SEMA5B: variants seen among roughly 807,000 people sequenced by gnomAD.
SEMA5B encodes semaphorin-5B.
SEMA5B carries 66 observed loss-of-function variants against 135.0 expected under a neutral mutation model. The observed-to-expected ratio is 0.49, with a 90% CI of 0.40 to 0.60. The LOEUF is 0.60. Ranked by LOEUF, SEMA5B falls within the 20% of genes least tolerant of loss-of-function variation. The probability of loss-of-function intolerance (pLI) is 0.00; values close to 1 mark genes in which losing one functional copy is unlikely to be tolerated. For synonymous variants in SEMA5B, 690 were observed against 639.5 expected (o/e 1.08, Z -1.19); for missense variants, 1,501 against 1,566.3 (o/e 0.96, Z 0.70).
intron 1 of SEMA5B, among the ~76,000 whole-genome samples, chr3:123,005,025 C>T (rs1942271659): frequency 6.6e-6 from 1 of 152,190 alleles, no homozygotes; most frequent in Admixed American, 6.5e-5. Flanking sequence ...ATCTCTTTTG[C>T]ACCCTCTCTT....
At chr3:122,910,631 A>G (rs1937635079) in intron 22 of SEMA5B, among the ~76,000 whole-genome samples, 1 of 151,978 alleles carries the variant, frequency 6.6e-6, no homozygotes, top group Non-Finnish European at 1.5e-5. Context: ...AAAAACGGTG[A>G]AACCCCGTCT....
intron 22 of SEMA5B, 152 bp from the exon 23 acceptor site, chr3:122,910,453 C>G: frequency 1.3e-6 from 1 of 781,620 alleles, no homozygotes; most frequent in Non-Finnish European, 2.1e-6. Context: ...CAGTTCCACC[C>G]AGCTGAGGGC....
chr3:122,997,811 C>T (rs1942060860), intron 1 of SEMA5B, among the ~76,000 whole-genome samples: 1 of 151,980 alleles, frequency 6.6e-6, no homozygotes, highest in Non-Finnish European at 1.5e-5. Flanking sequence ...CCTGAGGCCT[C>T]TACCCTCAGG....
chr3:122,948,339 A>G (rs530842607), intron 3 of SEMA5B, among the ~76,000 whole-genome samples, 167 bp downstream of exon 3: 5 of 152,338 alleles, frequency 3.3e-5, no homozygotes, highest in East Asian at 1.9e-4. Flanking sequence ...CATCCTTCTT[A>G]AAACATCCAG....
In SEMA5B at chr3:122,913,589, A is replaced by T; in HGVS notation, c.2225T>A (p.Met742Lys). The T allele has an allele frequency of 6.2e-7, 1 of 1,613,172 alleles. No homozygotes were observed. Among genetic ancestry groups the T allele is most frequent in the Non-Finnish European group, 8.5e-7 (1 of 1,179,872 alleles). ...CTCGCAGGCCCGACGCCGCGACTGC[A>T]TGCCCCCTCCACAGTTGCTGCTGCA... ...SKCSSNCGGG[M>K]QSRRRACENG... The change falls in exon 16 of 23, where the codon ATG becomes AAG. Residue 742 changes from methionine (M) to lysine (K), a missense_variant. By Grantham distance (95) the Met-to-Lys change is moderately conservative. Around this residue, in one of 2 missense-constraint regions of SEMA5B, gnomAD observed 927 missense variants for 881.6 expected, o/e 1.05. Coordinates refer to ENST00000357599, the MANE Select transcript of SEMA5B (RefSeq NM_001031702.4).
chr3:123,020,544 G>C (rs73859435), intron 1 of SEMA5B, among the ~76,000 whole-genome samples: 1 of 152,184 alleles, frequency 6.6e-6, no homozygotes, highest in Non-Finnish European at 1.5e-5. Context: ...AGCTATAGCT[G>C]GTGCCCATTA....
intron 5 of SEMA5B, 42 bp downstream of exon 5, chr3:122,939,383 T>G (rs763349364): frequency 6.6e-7 from 1 of 1,516,254 alleles, no homozygotes; most frequent in Non-Finnish European, 9.2e-7. Context: ...GGCTCTGGAA[T>G]AGGGGAAATT....
intron 1 of SEMA5B, among the ~76,000 whole-genome samples, chr3:122,982,632 AC>A (rs773230754): frequency 5.3e-5 from 8 of 151,926 alleles, no homozygotes; most frequent in Non-Finnish European, 7.4e-5. Flanking sequence ...TTCCCCACCA[AC>A]CCTGGTCTTC....
chr3:122,964,676 T>C (rs150297518), intron 1 of SEMA5B, among the ~76,000 whole-genome samples: 230 of 152,328 alleles, frequency 1.5e-3, no homozygotes, highest in African/African-American at 4.9e-3. Flanking sequence ...CTTCCTGGGT[T>C]GCCCTAGCCA....
chr3:123,021,047 G>T (rs968645625), intron 1 of SEMA5B, among the ~76,000 whole-genome samples: 1 of 152,232 alleles, frequency 6.6e-6, no homozygotes, highest in African/African-American at 2.4e-5. Flanking sequence ...GACCTTGCCT[G>T]TTTGGAGCTT....
intron 1 of SEMA5B, among the ~76,000 whole-genome samples, chr3:123,009,440 G>A (rs376595865): frequency 1.3e-5 from 2 of 152,218 alleles, no homozygotes; most frequent in South Asian, 2.1e-4. Context: ...TATAAAATGT[G>A]TTCCCCCAAG....
intron 1 of SEMA5B, among the ~76,000 whole-genome samples, chr3:123,009,979 C>G (rs2107789933): frequency 6.6e-6 from 1 of 152,316 alleles, no homozygotes; most frequent in East Asian, 1.9e-4. Context: ...GCACCAGGAG[C>G]TGAAGACAAA....
At chr3:123,015,086 C>T (rs562625726) in intron 1 of SEMA5B, among the ~76,000 whole-genome samples, 21 of 152,306 alleles carry the variant, frequency 1.4e-4, no homozygotes, top group Admixed American at 3.9e-4. Context: ...AGCAAACCAC[C>T]GGAAGCCAGG....
chr3:122,910,664 G>T (rs1161407535), intron 22 of SEMA5B, among the ~76,000 whole-genome samples, 176 bp downstream of exon 22: 2 of 151,980 alleles, frequency 1.3e-5, no homozygotes, highest in African/African-American at 4.8e-5. Flanking sequence ...CAAAAAATTA[G>T]CCGGGCGTAG....
intron 2 of SEMA5B, among the ~76,000 whole-genome samples, chr3:122,952,299 C>T (rs1282871934): frequency 6.6e-6 from 1 of 152,112 alleles, no homozygotes; most frequent in African/African-American, 2.4e-5. Context: ...ATCCTTGGAG[C>T]CCACCAACCC....
intron 10 of SEMA5B, among the ~76,000 whole-genome samples, chr3:122,922,688 A>G (rs1216488691): frequency 2.6e-5 from 4 of 152,194 alleles, no homozygotes; most frequent in African/African-American, 9.6e-5. Context: ...AGGGTTGGGG[A>G]AGAGGAGGGA....
At chr3:122,966,566 A>ATTTTTTTTT (rs1553778673) in intron 1 of SEMA5B, among the ~76,000 whole-genome samples, 17 of 115,888 alleles carry the variant, frequency 1.5e-4, no homozygotes, top group African/African-American at 5.5e-4. Flanking sequence ...TATTATTATT[A>ATTTTTTTTT]TTTTTTGAGA....
chr3:122,935,682 C>CTTTTTTTTTTTTTTTTTTTTT (rs1402707939), intron 5 of SEMA5B, among the ~76,000 whole-genome samples: 1 of 70,740 alleles, frequency 1.4e-5, no homozygotes, highest in African/African-American at 5.6e-5. Context: ...CTTTTTCTTT[C>CTTTTTTTTTTTTTTTTTTTTT]TTTCTTTTTT....
rs1423729960 is a variant in SEMA5B at position 122,913,232 on chromosome 3, G to T, written c.2473C>A (p.Pro825Thr). 6.3e-7 allele frequency: 1 copy of T among 1,583,782 alleles called. No individual in the cohort carries two copies. Among genetic ancestry groups the T allele is most frequent in the South Asian group, 1.1e-5 (1 of 88,054 alleles). The change falls in exon 17 of 23, where the codon CCC becomes ACC. Residue 825 changes from proline (P) to threonine (T), a missense_variant. By Grantham distance (38) the Pro-to-Thr change is conservative. Around this residue, in one of 2 missense-constraint regions of SEMA5B, gnomAD observed 927 missense variants for 881.6 expected, o/e 1.05. Coordinates refer to ENST00000357599, the MANE Select transcript of SEMA5B (RefSeq NM_001031702.4). ...TCGCAGGAGCCGGAGCCGTCCGCGG[G>T]ACAGGTCCTCGTCTCGGTCCTTCTC... is the stretch of plus-strand genomic sequence containing the variant. ...GRRRTETRTC[P>T]ADGSGSCDTD...
Sources: allele counts gnomAD v4.1 joint callset (sites outside exome capture counted in the v4.1 genomes callset), GRCh38; gene constraint gnomAD v4.1.1; regional missense constraint gnomAD v4.1.1; transcripts MANE v1.5; gene names NCBI Gene and HGNC (gene_info 2026-07-23, HGNC 2026-07-21).